Variants in ZBTB46 observed in about 807,000 individuals in gnomAD.
The protein encoded by ZBTB46 is zinc finger and BTB domain containing 46, also known as zinc finger and BTB domain-containing protein 46.
In ZBTB46, 8 loss-of-function variants were observed where a neutral mutation model predicts 44.1. The ratio of observed to expected loss-of-function variants is 0.18; its 90% CI spans 0.11 to 0.33. The LOEUF is 0.33. Among genes scored for constraint, ZBTB46 ranks in the 10% least tolerant of loss-of-function variants. The pLI, the probability that ZBTB46 is intolerant of heterozygous loss-of-function variation, is 1.00. For missense variants in ZBTB46, 651 were observed against 847.7 expected, an observed-to-expected ratio of 0.77 and a Z score of 2.88; for synonymous variants, 409 against 382.3, an observed-to-expected ratio of 1.07 and a Z score of -0.81.
intron 3 of ZBTB46, among the ~76,000 whole-genome samples, chr20:63,771,547 C>T (rs369797450): frequency 1.3e-5 from 2 of 152,132 alleles, no homozygotes; most frequent in African/African-American, 4.8e-5. Flanking sequence ...ACCTGGGTAC[C>T]GGCGAGTGGG....
rs2092068613 is a variant in ZBTB46, at chr20:63,744,428, C to T, written c.*2502G>A. 1.3e-5 allele frequency: 2 copies of T among 152,208 alleles called. No homozygotes were observed. The highest frequency in any genetic ancestry group is 4.1e-4 in the South Asian group (2 of 4,824). 9.4% of individuals were successfully genotyped at this position (152,208 alleles called of 1,614,324 possible). A position where few individuals can be genotyped will look rare whatever the true frequency, so the allele number is the denominator to read the frequency against. On this transcript the variant is annotated 3_prime_UTR_variant, in exon 5 of 5. Transcript: ENST00000245663. ...TCCCCGCCCCCAAATAACACCATCC[C>T]CAATGGACTGTATTTCCCACTTTGG...
At chr20:63,785,492 G>A (rs1396876132) in intron 2 of ZBTB46, among the ~76,000 whole-genome samples, 6 of 152,034 alleles carry the variant, frequency 3.9e-5, no homozygotes, top group East Asian at 1.9e-4. Flanking sequence ...CCCAGGAAGC[G>A]GAGGCTGCAG....
Position 63,803,541 on chromosome 20 carries a change from G to A in ZBTB46, c.-33-12751C>T, listed in dbSNP as rs1458366160. On this transcript the variant is annotated intron_variant, in intron 1 of 4. Transcript: ENST00000245663. This position sits in a 1 kb window ranked among gnomAD's most constrained non-coding sequence, Gnocchi z 4.0. ...TGGCCATCTGAAGATGCAAAGCCAT[G>A]TCTGCCGGCCCCGGGCTGCCCAGGC... 1.0e-6 allele frequency: 1 copy of A among 982,610 alleles called. No homozygotes were observed. Among genetic ancestry groups the A allele is most frequent in the Non-Finnish European group, 1.2e-6 (1 of 829,122 alleles). 60.9% of individuals were successfully genotyped at this position (982,610 alleles called of 1,614,324 possible).
chr20:63,768,207 A>C, intron 3 of ZBTB46: 3 of 783,714 alleles, frequency 3.8e-6, no homozygotes, highest in African/African-American at 1.9e-5. Context: ...CACCAAAACT[A>C]TCCTGTGAGA....
chr20:63,804,880 A>G (rs1257933551), intron 1 of ZBTB46, among the ~76,000 whole-genome samples: 1 of 150,714 alleles, frequency 6.6e-6, no homozygotes, highest in East Asian at 2.0e-4. Flanking sequence ...CAACATAGTG[A>G]GACTCCGTCT....
intron 3 of ZBTB46, among the ~76,000 whole-genome samples, chr20:63,772,323 T>C (rs1332649285): frequency 6.6e-6 from 1 of 151,894 alleles, no homozygotes; most frequent in Non-Finnish European, 1.5e-5. Context: ...ACAAGAGAAA[T>C]AGAAAATTTA....
chr20:63,747,342 TG>T (rs1383557335), intron 4 of ZBTB46, 41 bp from the exon 5 acceptor site: 4 of 392,632 alleles, frequency 1.0e-5, no homozygotes, highest in Admixed American at 1.8e-4. Flanking sequence ...CCTGGTGGGT[TG>T]GGGGGCGGGG....
chr20:63,827,561 T>C lies in ZBTB46; in HGVS notation c.-34+3536A>G, dbSNP rs1000341311. ...AAGCGGAGCTTGCAGTGAGCCGAGA[T>C]TGCGCCACTGCAGTCCGCAGTCCGG... On this transcript the variant is annotated intron_variant, in intron 1 of 4. Transcript: ENST00000245663. Among the ~76,000 whole-genome samples, 8 of 150,264 alleles carry C rather than the reference T, an allele frequency of 5.3e-5. No individual in the cohort carries two copies. In the South Asian group the frequency reaches 6.3e-4, roughly 12 times the overall value.
intron 2 of ZBTB46, among the ~76,000 whole-genome samples, chr20:63,786,993 T>C (rs532383543): frequency 1.7e-4 from 26 of 152,236 alleles, no homozygotes; most frequent in African/African-American, 5.3e-4. Context: ...CGTAGCTCAG[T>C]GCAGGACGCA....
intron 3 of ZBTB46, among the ~76,000 whole-genome samples, chr20:63,774,053 C>CCA (rs2092399567): frequency 2.6e-4 from 5 of 19,162 alleles, no homozygotes; most frequent in Non-Finnish European, 5.6e-4. Context: ...GTGGCACCCC[C>CCA]CGCCCCCCCC....
chr20:63,779,933 G>T (rs1370816994), intron 2 of ZBTB46, among the ~76,000 whole-genome samples: 1 of 152,056 alleles, frequency 6.6e-6, no homozygotes, highest in East Asian at 1.9e-4. Context: ...ACACATAAAA[G>T]AAATCAGGAT....
chr20:63,747,539 G>GTGGGGGGGCGGGGCA (rs2092114950), intron 4 of ZBTB46, among the ~76,000 whole-genome samples: 1 of 128,708 alleles, frequency 7.8e-6, no homozygotes, highest in African/African-American at 3.0e-5. Context: ...TGGTGGGTGG[G>GTGGGGGGGCGGGGCA]GGGGGTGCGG....
intron 1 of ZBTB46, among the ~76,000 whole-genome samples, chr20:63,801,733 C>T (rs762982715): frequency 2.0e-5 from 3 of 152,092 alleles, no homozygotes; most frequent in African/African-American, 4.8e-5. Context: ...ACTCCAGACA[C>T]GCCGCCTTTA....
At chr20:63,829,043 G>A (rs1307668145) in intron 1 of ZBTB46, among the ~76,000 whole-genome samples, 1 of 152,216 alleles carries the variant, frequency 6.6e-6, no homozygotes. Context: ...ATAGTACATC[G>A]TCTGACAATA....
chr20:63,811,675 G>A (rs950134110), intron 1 of ZBTB46, among the ~76,000 whole-genome samples: 1 of 152,136 alleles, frequency 6.6e-6, no homozygotes, highest in African/African-American at 2.4e-5. Context: ...GGGCCAGCCG[G>A]CTCACCTTGC....
intron 3 of ZBTB46, among the ~76,000 whole-genome samples, chr20:63,771,242 C>T (rs1021049779): frequency 6.6e-6 from 1 of 152,170 alleles, no homozygotes; most frequent in African/African-American, 2.4e-5. Flanking sequence ...GCCCCCGGGG[C>T]TCAGGGGCGC....
chr20:63,786,659 G>A (rs147310510), intron 2 of ZBTB46, among the ~76,000 whole-genome samples: 67 of 152,042 alleles, frequency 4.4e-4, no homozygotes, highest in African/African-American at 1.5e-3. Context: ...CTACAGGCGC[G>A]CACCACCACG....
intron 4 of ZBTB46, among the ~76,000 whole-genome samples, chr20:63,747,696 G>T (rs1235296943): frequency 6.6e-6 from 1 of 152,112 alleles, no homozygotes; most frequent in African/African-American, 2.4e-5. Context: ...CCACACAGCA[G>T]AACTGCAGGT....
Position 63,746,847 on chromosome 20 carries a change from C to T in ZBTB46, c.*83G>A. 1 of 1,422,110 alleles carries T rather than the reference C, an allele frequency of 7.0e-7. No individual in the cohort carries two copies. 88.1% of individuals were successfully genotyped at this position (1,422,110 alleles called of 1,614,324 possible). ...GGGGCCGCGAGAGGGGTGAGCGTGG[C>T]CCTGGCCCCGCAGTGGAGACCCACC... On this transcript the variant is annotated 3_prime_UTR_variant, in exon 5 of 5. Coordinates refer to ENST00000245663, the MANE Select transcript of ZBTB46 (RefSeq NM_001369741.1).
Sources: gnomAD v4.1 joint callset for allele counts (sites outside exome capture counted in the v4.1 genomes callset) on GRCh38, gnomAD v4.1.1 for gene constraint, Gnocchi (gnomAD v3.1) non-coding constraint, MANE v1.5 for transcripts, NCBI Gene and HGNC (gene_info 2026-07-23, HGNC 2026-07-21) for gene names.